Variants in ACTR3C observed in about 807,000 individuals in gnomAD.
ACTR3C encodes the protein actin related protein 3C.
ACTR3C carries 18 observed loss-of-function variants against 26.3 expected under a neutral mutation model. That is an observed-to-expected ratio of 0.68 (90% CI 0.47 to 1.01). The LOEUF (loss-of-function observed/expected upper bound fraction) is 1.01, where lower values mean the gene tolerates loss of function less well. Among genes scored for constraint, ACTR3C ranks in the 50% least tolerant of loss-of-function variants. The pLI is 0.00. For synonymous variants in ACTR3C, 55 were observed against 94.5 expected (o/e 0.58, Z 2.42); for missense variants, 184 against 250.7 (o/e 0.73, Z 1.80).
chr7:150,007,553 C>T, the ACTR3C span, among the ~76,000 whole-genome samples: 2 of 152,248 alleles, frequency 1.3e-5, no homozygotes, highest in African/African-American at 2.4e-5. Context: ...AAAAAATAAA[C>T]CAGAGAAGAT....
chr7:150,098,374 C>T, the ACTR3C span, among the ~76,000 whole-genome samples: 1 of 151,764 alleles, frequency 6.6e-6, no homozygotes, highest in East Asian at 1.9e-4. Flanking sequence ...ATATAGGAAG[C>T]TACTTACTAC....
intron 6 of ACTR3C, 84 bp downstream of exon 6, chr7:150,284,669 A>T: frequency 8.6e-7 from 1 of 1,168,610 alleles, no homozygotes; most frequent in Non-Finnish European, 1.2e-6. Context: ...ATTTACTAGT[A>T]ATAGACAGTA....
the ACTR3C span, among the ~76,000 whole-genome samples, chr7:150,213,086 AG>A: frequency 6.6e-6 from 1 of 152,000 alleles, no homozygotes; most frequent in African/African-American, 2.4e-5. Flanking sequence ...CTACAGGCTC[AG>A]GAACAGGGAG....
the ACTR3C span, among the ~76,000 whole-genome samples, chr7:150,023,018 T>A: frequency 6.6e-6 from 1 of 151,398 alleles, no homozygotes; most frequent in Non-Finnish European, 1.5e-5. Context: ...ACAGATCACA[T>A]AAAATATCAT....
chr7:150,242,339 A>G (rs1832235484), downstream of ACTR3C, among the ~76,000 whole-genome samples: 1 of 149,812 alleles, frequency 6.7e-6, no homozygotes, highest in Non-Finnish European at 1.5e-5. Context: ...GAACTGTACA[A>G]TCTACAGTAG....
intron 6 of ACTR3C, among the ~76,000 whole-genome samples, chr7:150,270,548 C>T (rs1834368925): frequency 6.6e-6 from 1 of 150,650 alleles, no homozygotes; most frequent in Admixed American, 6.6e-5. Flanking sequence ...CACGTGGCAT[C>T]CACACCTGCA....
At chr7:150,256,308 C>T (rs527715118) in intron 6 of ACTR3C, among the ~76,000 whole-genome samples, 8 of 152,212 alleles carry the variant, frequency 5.3e-5, no homozygotes, top group East Asian at 1.9e-4. Context: ...ACTGCTGGGC[C>T]GAATGGTAGT....
the ACTR3C span, among the ~76,000 whole-genome samples, chr7:150,038,070 A>G: frequency 0.43 from 52,010 of 121,488 alleles, 15,507 homozygotes; most frequent in East Asian, 0.61. Flanking sequence ...CTGAGTCCCC[A>G]CCTCGCGGGG....
At chr7:150,207,112 GGGAAGC>G in the ACTR3C span, among the ~76,000 whole-genome samples, 3 of 152,176 alleles carry the variant, frequency 2.0e-5, no homozygotes, top group African/African-American at 7.2e-5. Flanking sequence ...TTATCATGTG[GGGAAGC>G]GGAAAATGTT....
At chr7:150,128,473 A>T in the ACTR3C span, among the ~76,000 whole-genome samples, 1 of 151,890 alleles carries the variant, frequency 6.6e-6, no homozygotes, top group African/African-American at 2.4e-5. Flanking sequence ...TGGGATTTTG[A>T]CTTAGTGTTT....
chr7:150,029,580 A>G, the ACTR3C span, among the ~76,000 whole-genome samples: 2 of 152,044 alleles, frequency 1.3e-5, no homozygotes, highest in Non-Finnish European at 2.9e-5. Context: ...CAATAAAACA[A>G]ACAAACAAAA....
At chr7:150,035,906 C>G in the ACTR3C span, among the ~76,000 whole-genome samples, 1,328 of 127,592 alleles carry the variant, frequency 0.01, 194 homozygotes, top group Non-Finnish European at 0.018. Context: ...TCAGTCCCCA[C>G]CCTCGCGGGG....
At chr7:150,225,129 C>T in the ACTR3C span, among the ~76,000 whole-genome samples, 1 of 151,926 alleles carries the variant, frequency 6.6e-6, no homozygotes, top group South Asian at 2.1e-4. Flanking sequence ...TTTCCTGTCA[C>T]TAGAATCAGC....
At chr7:149,919,516 A>G in the ACTR3C span, among the ~76,000 whole-genome samples, 1 of 152,192 alleles carries the variant, frequency 6.6e-6, no homozygotes, top group Non-Finnish European at 1.5e-5. Context: ...CTGGGATTAC[A>G]GGCGTGAGCC....
At chr7:149,881,586 T>TG in the ACTR3C span, 19,813 of 152,578 alleles carry the variant, frequency 0.13, 2,891 homozygotes, top group African/African-American at 0.36. Flanking sequence ...GGCTGGGCGG[T>TG]GGGGCGGATG....
At chr7:149,975,286 C>A in the ACTR3C span, among the ~76,000 whole-genome samples, 1 of 152,014 alleles carries the variant, frequency 6.6e-6, no homozygotes, top group Non-Finnish European at 1.5e-5. Flanking sequence ...ATTAAACACC[C>A]TGATAAATTA....
At chr7:150,173,368 A>G in the ACTR3C span, among the ~76,000 whole-genome samples, 10,036 of 133,214 alleles carry the variant, frequency 0.075, 831 homozygotes, top group African/African-American at 0.18. Flanking sequence ...CTGAGGCTAC[A>G]GCCTGAGTTC....
the ACTR3C span, among the ~76,000 whole-genome samples, chr7:149,974,702 A>C: frequency 1.3e-5 from 2 of 152,112 alleles, no homozygotes; most frequent in Non-Finnish European, 2.9e-5. Flanking sequence ...ACTTTCACAT[A>C]GGTCTGGAGA....
the ACTR3C span, among the ~76,000 whole-genome samples, chr7:150,164,924 G>A: frequency 6.6e-6 from 1 of 152,166 alleles, no homozygotes; most frequent in Admixed American, 6.5e-5. Flanking sequence ...GCTGGTTTTG[G>A]AATTGAGCTA....
Sources: allele counts gnomAD v4.1 joint callset (sites outside exome capture counted in the v4.1 genomes callset), GRCh38; gene constraint gnomAD v4.1.1; transcripts MANE v1.5; gene names NCBI Gene and HGNC (gene_info 2026-07-23, HGNC 2026-07-21).